The following MXI1 variants were observed in gnomAD, a reference collection of about 807,000 sequenced individuals.
MXI1 encodes MAX interactor 1, dimerization protein.
MXI1 carries 18 observed loss-of-function variants against 36.9 expected under a neutral mutation model. That is an observed-to-expected ratio of 0.49 (90% confidence interval 0.34 to 0.72). The LOEUF (loss-of-function observed/expected upper bound fraction) is 0.72, where lower values mean the gene tolerates loss of function less well. Ranked by LOEUF, MXI1 falls within the 30% of genes least tolerant of loss-of-function variation. The probability of loss-of-function intolerance (pLI) is 0.01; values close to 1 mark genes in which losing one functional copy is unlikely to be tolerated. For synonymous variants in MXI1, 160 were observed against 146.7 expected, an observed-to-expected ratio of 1.09 and a Z score of -0.65; for missense variants, 304 against 379.1, an observed-to-expected ratio of 0.80 and a Z score of 1.64.
intron 3 of MXI1, among the ~76,000 whole-genome samples, chr10:110,255,880 A>G (rs1404962818): frequency 6.6e-6 from 1 of 152,222 alleles, no homozygotes; most frequent in Non-Finnish European, 1.5e-5. Context: ...CTTGAAAAGA[A>G]TAAAGTTGGA....
intron 2 of MXI1, among the ~76,000 whole-genome samples, chr10:110,240,397 C>T (rs969239192): frequency 1.3e-5 from 2 of 151,838 alleles, no homozygotes; most frequent in African/African-American, 2.4e-5. Flanking sequence ...ACTTGATGTT[C>T]GTGGGCTTAG....
intron 3 of MXI1, among the ~76,000 whole-genome samples, chr10:110,264,367 GA>G (rs1244774078): frequency 7.0e-6 from 1 of 142,552 alleles, no homozygotes; most frequent in Non-Finnish European, 1.5e-5. Context: ...ATTAGTAATT[GA>G]TTTTTTTTTT....
rs141131240 is a variant in MXI1 at position 110,223,574 on chromosome 10, A to AAAAT, written c.275-4595_275-4592dup. On this transcript the variant is annotated intron_variant, in intron 1 of 5. Transcript: ENST00000332674. Reference sequence around the variant, plus strand: ...GTGACAGAGTAAGACTCCGTCTCAAAAAATAAATAAATAAATAAATAAAAA... The same window carrying AAAAT: ...GTGACAGAGTAAGACTCCGTCTCAAAAAATAAATAAATAAATAAATAAATAAAAA... Among the ~76,000 whole-genome samples the AAAAT allele has an allele frequency of 1.4e-3, 217 of 152,138 alleles. 2 individuals carry two copies. The highest frequency in any genetic ancestry group is 0.013 in the East Asian group (65 of 5,172).
At chr10:110,252,109 C>T (rs1856114532) in intron 3 of MXI1, among the ~76,000 whole-genome samples, 1 of 151,934 alleles carries the variant, frequency 6.6e-6, no homozygotes, top group Admixed American at 6.6e-5. Flanking sequence ...AGATATGAGT[C>T]AGCACTCAGG....
chr10:110,241,250 G>A (rs1855657911), intron 2 of MXI1, among the ~76,000 whole-genome samples: 1 of 151,946 alleles, frequency 6.6e-6, no homozygotes, highest in Admixed American at 6.6e-5. Flanking sequence ...AAGTTGTTAA[G>A]TGTTCAGGGT....
chr10:110,226,790 A>T (rs1264190963), intron 1 of MXI1, among the ~76,000 whole-genome samples: 1 of 4,434 alleles, frequency 2.3e-4, no homozygotes. Flanking sequence ...AGGGAAGGGG[A>T]GCGCGCGTGA....
Position 110,285,163 on chromosome 10 carries a change from A to C in MXI1, c.*176A>C. 1 of 503,382 alleles carries C rather than the reference A, an allele frequency of 2.0e-6. No homozygotes were observed. The highest frequency in any genetic ancestry group is 3.2e-6 in the Non-Finnish European group (1 of 313,456). 31.2% of individuals were successfully genotyped at this position (503,382 alleles called of 1,614,324 possible). A position where few individuals can be genotyped will look rare whatever the true frequency, so the allele number is the denominator to read the frequency against. On this transcript the variant is annotated 3_prime_UTR_variant, in exon 6 of 6. Transcript: ENST00000332674. ...TGTATTTAAGCAAATACTTAGCAAA[A>C]AGTGGGGCAGAGCCTCCCAAGGAGA...
In MXI1 at chr10:110,284,691, T is replaced by C. The variant is rs900181404; in HGVS notation, c.725-133T>C. The C allele has an allele frequency of 4.7e-6, 4 of 847,440 alleles. No homozygotes were observed. In the African/African-American group the frequency reaches 6.9e-5, roughly 15 times the overall value. 52.5% of individuals were successfully genotyped at this position (847,440 alleles called of 1,614,324 possible). A position where few individuals can be genotyped will look rare whatever the true frequency, so the allele number is the denominator to read the frequency against. ...TTCCTGTCTCTTCACCTTGTTCCTCTGTTCTCCAGACATCACTGATAATAA... is the reference window on the plus strand; with the variant it reads ...TTCCTGTCTCTTCACCTTGTTCCTCCGTTCTCCAGACATCACTGATAATAA... On this transcript the variant is annotated intron_variant, in intron 5 of 5. Coordinates refer to ENST00000332674, the MANE Select transcript of MXI1 (RefSeq NM_130439.3).
Position 110,286,265 on chromosome 10 carries a change from C to T in MXI1, c.*1278C>T, listed in dbSNP as rs1458102253. 1 of 152,596 alleles carries T rather than the reference C, an allele frequency of 6.6e-6. No homozygotes were observed. Among genetic ancestry groups the T allele is most frequent in the Non-Finnish European group, 1.5e-5 (1 of 68,038 alleles). 9.5% of individuals were successfully genotyped at this position (152,596 alleles called of 1,614,324 possible). On this transcript the variant is annotated 3_prime_UTR_variant, in exon 6 of 6. Coordinates refer to ENST00000332674, the MANE Select transcript of MXI1 (RefSeq NM_130439.3). ...AGGCAGTCTCTCTCTTCCTCACAGTCCCACTGTGCAGGTGCTATTGTTACT... is the reference window on the plus strand; with the variant it reads ...AGGCAGTCTCTCTCTTCCTCACAGTTCCACTGTGCAGGTGCTATTGTTACT...
intron 3 of MXI1, among the ~76,000 whole-genome samples, chr10:110,250,111 C>T (rs1255749822): frequency 6.6e-6 from 1 of 152,088 alleles, no homozygotes; most frequent in East Asian, 1.9e-4. Context: ...CATTAGGGAG[C>T]TCTAGGTAGT....
chr10:110,234,723 G>T (rs909832981), intron 2 of MXI1, among the ~76,000 whole-genome samples: 1 of 152,066 alleles, frequency 6.6e-6, no homozygotes, highest in Admixed American at 6.5e-5. Flanking sequence ...AATAGAATTT[G>T]TTGTTAACAA....
chr10:110,269,542 G>A (rs1935465), intron 3 of MXI1, among the ~76,000 whole-genome samples: 67,973 of 151,984 alleles, frequency 0.45, 16,211 homozygotes, highest in East Asian at 0.7. Flanking sequence ...CAATAAAGCA[G>A]TTACACTGGG....
chr10:110,279,615 A>G (rs1459496139), intron 4 of MXI1, among the ~76,000 whole-genome samples: 1 of 152,198 alleles, frequency 6.6e-6, no homozygotes, highest in African/African-American at 2.4e-5. Flanking sequence ...TTTTCCATCA[A>G]ATACCATACT....
chr10:110,279,380 A>C, intron 4 of MXI1, 86 bp downstream of exon 4: 1 of 1,099,236 alleles, frequency 9.1e-7, no homozygotes, highest in Non-Finnish European at 1.4e-6. Context: ...TACATCAGCT[A>C]GTTCACCATG....
At chr10:110,211,268 C>G (rs1854507225) in intron 1 of MXI1, among the ~76,000 whole-genome samples, 1 of 152,178 alleles carries the variant, frequency 6.6e-6, no homozygotes, top group Non-Finnish European at 1.5e-5. Flanking sequence ...TCCGACTGGA[C>G]TTGACCTAGC....
intron 1 of MXI1, chr10:110,225,904 G>T (rs1022189776): frequency 9.4e-5 from 61 of 645,882 alleles, no homozygotes; most frequent in Non-Finnish European, 1.2e-4. Flanking sequence ...GGGCGGGTGC[G>T]GGACTACATT....
intron 3 of MXI1, among the ~76,000 whole-genome samples, chr10:110,254,951 A>G (rs1247772285): frequency 6.6e-6 from 1 of 152,212 alleles, no homozygotes; most frequent in Non-Finnish European, 1.5e-5. Context: ...TAGCTAAAAT[A>G]ATCAACGAAG....
chr10:110,208,727 G>T (rs1268185955), intron 1 of MXI1: 3 of 149,186 alleles, frequency 2.0e-5, no homozygotes, highest in Non-Finnish European at 4.4e-5. Flanking sequence ...CGTTGCCGTG[G>T]GGTGCCACCG....
At chr10:110,233,108 T>C (rs935499884) in intron 2 of MXI1, among the ~76,000 whole-genome samples, 2 of 152,184 alleles carry the variant, frequency 1.3e-5, no homozygotes, top group Non-Finnish European at 2.9e-5. Flanking sequence ...CAAGTTGATA[T>C]ATTTCTTCTC....
Sources: allele counts gnomAD v4.1 joint callset (sites outside exome capture counted in the v4.1 genomes callset), GRCh38; gene constraint gnomAD v4.1.1; transcripts MANE v1.5; gene names NCBI Gene and HGNC (gene_info 2026-07-23, HGNC 2026-07-21).